RGL1: variants seen among roughly 807,000 people sequenced by gnomAD.
RGL1 encodes ral guanine nucleotide dissociation stimulator like 1.
In RGL1, 24 loss-of-function variants were observed where a neutral mutation model predicts 95.2. That is an observed-to-expected ratio of 0.25 (90% CI 0.18 to 0.35). RGL1 has a LOEUF of 0.35. Among genes scored for constraint, RGL1 ranks in the 10% least tolerant of loss-of-function variants. The probability of loss-of-function intolerance (pLI) is 1.00; values close to 1 mark genes in which losing one functional copy is unlikely to be tolerated. For missense variants in RGL1, 715 were observed against 936.3 expected (o/e 0.76, Z 3.08); for synonymous variants, 329 against 344.9 (o/e 0.95, Z 0.51).
chr1:183,719,413 G>A (rs1270869400), intron 1 of RGL1, among the ~76,000 whole-genome samples: 1 of 152,142 alleles, frequency 6.6e-6, no homozygotes, highest in Non-Finnish European at 1.5e-5. Flanking sequence ...AGAGTGTAGG[G>A]AGATGCAATC....
intron 2 of RGL1, among the ~76,000 whole-genome samples, chr1:183,796,679 T>C (rs1660719230): frequency 6.6e-6 from 1 of 152,124 alleles, no homozygotes; most frequent in Non-Finnish European, 1.5e-5. Flanking sequence ...CAGTACCATT[T>C]CAATACCACT....
chr1:183,803,122 G>A (rs1661084020), upstream of RGL1, among the ~76,000 whole-genome samples: 1 of 152,176 alleles, frequency 6.6e-6, no homozygotes, highest in Non-Finnish European at 1.5e-5. Context: ...CATACATTGT[G>A]AGGTGTAAAT....
At chr1:183,787,481 G>C (rs891089617) in intron 2 of RGL1, among the ~76,000 whole-genome samples, 2 of 152,158 alleles carry the variant, frequency 1.3e-5, no homozygotes, top group Admixed American at 6.5e-5. Flanking sequence ...TTTCCAAGGT[G>C]GGAATTGAAA....
In RGL1 at chr1:183,912,234, C is replaced by T. The variant is rs147722548; in HGVS notation, c.1715C>T (p.Thr572Ile). 7.5e-4 allele frequency: 1,218 copies of T among 1,614,080 alleles called. 10 individuals are homozygous for T. The African/African-American group carries it at 0.011, about 15-fold the overall frequency. The change falls in exon 15 of 18, where the codon ACT (threonine) becomes ATT (isoleucine). Residue 572 changes from threonine (T) to isoleucine (I), a missense_variant. Physicochemically the swap from Thr to Ile is moderately conservative, Grantham distance 89. This residue lies in a region of RGL1 where 330 missense variants were observed against 429.6 expected (regional missense o/e 0.77). Coordinates refer to ENST00000360851, the MANE Select transcript of RGL1 (RefSeq NM_001297671.3). ...NHSEAEEGSI[T>I]PMDTPDEPQK... ...TCAGAGGCTGAGGAGGGCTCCATTA[C>T]TCCCATGGACACCCCTGATGAGCCT...
Position 183,918,929 on chromosome 1 carries a change from G to A in RGL1, c.2004+2228G>A, listed in dbSNP as rs912614356. On this transcript the variant is annotated intron_variant, in intron 16 of 17. Transcript: ENST00000360851. Reference sequence around the variant, plus strand: ...CTTTCTGAAATGTATTATGCTGTGTGCTGTTGACCAGAAGATGGAAATAAA... The same window carrying A: ...CTTTCTGAAATGTATTATGCTGTGTACTGTTGACCAGAAGATGGAAATAAA... 8.5e-5 allele frequency among the ~76,000 whole-genome samples: 13 copies of A among 152,324 alleles called. No homozygotes were observed. In the East Asian group the frequency reaches 1.4e-3, roughly 16 times the overall value.
chr1:183,767,947 C>T (rs963289137), intron 2 of RGL1, among the ~76,000 whole-genome samples: 7 of 131,804 alleles, frequency 5.3e-5, no homozygotes, highest in South Asian at 2.7e-4. Flanking sequence ...AGTGAGACTC[C>T]GTCTCAAAGA....
chr1:183,888,503 C>T lies in RGL1; in HGVS notation c.981C>T (p.Ser327=). The T allele has an allele frequency of 3.1e-6, 5 of 1,612,998 alleles. No individual in the cohort carries two copies. Among genetic ancestry groups the T allele is most frequent in the South Asian group, 2.2e-5 (2 of 91,026 alleles). The part of the protein sequence containing the change: ...HECRLLKNFS[S]LRAIVSALQS... ...GTAGACTCCTGAAGAATTTTTCCTC[C>T]TTGAGGGCCATCGTTTCGGCACTGC... is the stretch of plus-strand genomic sequence containing the variant. Residue 327 remains serine (S), a synonymous_variant, in exon 8 of 18, where the codon TCC becomes TCT. Transcript: ENST00000360851.
intron 2 of RGL1, among the ~76,000 whole-genome samples, chr1:183,798,473 C>A (rs534494885): frequency 2.0e-5 from 3 of 152,210 alleles, no homozygotes; most frequent in Admixed American, 6.5e-5. Flanking sequence ...ACAGATATAT[C>A]ATCACCTCCC....
intron 5 of RGL1, among the ~76,000 whole-genome samples, chr1:183,883,574 T>C (rs1666940389): frequency 6.6e-6 from 1 of 152,184 alleles, no homozygotes; most frequent in African/African-American, 2.4e-5. Context: ...AGTGAGAGCA[T>C]GAGGGCTCTG....
intron 2 of RGL1, among the ~76,000 whole-genome samples, chr1:183,841,700 T>C (rs1318746462): frequency 6.6e-6 from 1 of 152,182 alleles, no homozygotes; most frequent in Non-Finnish European, 1.5e-5. Flanking sequence ...TGTCATTACA[T>C]ACATGATTTC....
At chr1:183,833,545 A>G (rs1471061614) in intron 2 of RGL1, among the ~76,000 whole-genome samples, 2 of 152,216 alleles carry the variant, frequency 1.3e-5, no homozygotes, top group Non-Finnish European at 2.9e-5. Flanking sequence ...TAGTGTATTT[A>G]AGAGAACAGG....
At chr1:183,878,592 G>A (rs184552208) in intron 4 of RGL1, among the ~76,000 whole-genome samples, 2 of 152,316 alleles carry the variant, frequency 1.3e-5, no homozygotes, top group East Asian at 3.9e-4. Context: ...AATGGGATTA[G>A]GATGAAGGGA....
At chr1:183,752,557 T>TA (rs1422735050) in intron 2 of RGL1, among the ~76,000 whole-genome samples, 22 of 152,126 alleles carry the variant, frequency 1.4e-4, no homozygotes, top group Non-Finnish European at 2.9e-5. Context: ...CTAGATGATA[T>TA]AAAATAGAAT....
At chr1:183,788,836 G>C (rs1279386298) in intron 2 of RGL1, among the ~76,000 whole-genome samples, 1 of 152,094 alleles carries the variant, frequency 6.6e-6, no homozygotes, top group South Asian at 2.1e-4. Context: ...TGTGAACTAG[G>C]GGGGCACGTC....
intron 1 of RGL1, among the ~76,000 whole-genome samples, chr1:183,660,672 A>G (rs1478883692): frequency 6.6e-6 from 1 of 151,542 alleles, no homozygotes; most frequent in Non-Finnish European, 1.5e-5. Context: ...TAACAAGGAT[A>G]CCCAGGAATT....
chr1:183,736,818 G>C (rs1356425173), intron 1 of RGL1, among the ~76,000 whole-genome samples: 1 of 152,168 alleles, frequency 6.6e-6, no homozygotes, highest in South Asian at 2.1e-4. Flanking sequence ...AGGAAAATAA[G>C]CAGAAATATT....
intron 1 of RGL1, among the ~76,000 whole-genome samples, chr1:183,671,862 C>T (rs116794703): frequency 0.013 from 1,975 of 151,956 alleles, 53 homozygotes; most frequent in African/African-American, 0.046. Flanking sequence ...AATTCATTGT[C>T]GGTCTAGTTG....
chr1:183,701,873 G>A (rs1193365279), intron 1 of RGL1, among the ~76,000 whole-genome samples: 1 of 152,126 alleles, frequency 6.6e-6, no homozygotes, highest in Non-Finnish European at 1.5e-5. Context: ...GGAGGCAGAG[G>A]ATGCAGTGAG....
At chr1:183,687,796 CA>C (rs1365234847) in intron 1 of RGL1, among the ~76,000 whole-genome samples, 1 of 152,122 alleles carries the variant, frequency 6.6e-6, no homozygotes, top group African/African-American at 2.4e-5. Context: ...GATACCGGGC[CA>C]ATGAATAAAT....
Sources: gnomAD v4.1 joint callset for allele counts (sites outside exome capture counted in the v4.1 genomes callset) on GRCh38, gnomAD v4.1.1 for gene constraint, gnomAD v4.1.1 regional missense constraint, MANE v1.5 for transcripts, NCBI Gene and HGNC (gene_info 2026-07-23, HGNC 2026-07-21) for gene names.